The following POMGNT1 variants were observed in gnomAD, a reference collection of about 807,000 sequenced individuals.
POMGNT1 encodes the protein protein O-linked-mannose beta-1,2-N-acetylglucosaminyltransferase 1.
POMGNT1 carries 67 observed loss-of-function variants against 95.6 expected under a neutral mutation model. The ratio of observed to expected loss-of-function variants is 0.70; its 90% CI spans 0.58 to 0.86. The LOEUF is 0.86. Ranked by LOEUF, POMGNT1 falls within the 40% of genes least tolerant of loss-of-function variation. The pLI is 0.00. For missense variants in POMGNT1, 719 were observed against 855.2 expected (o/e 0.84, Z 1.99); for synonymous variants, 298 against 317.9 (o/e 0.94, Z 0.66).
At chr1:46,200,223 A>AC (rs1658496775), upstream of POMGNT1, among the ~76,000 whole-genome samples, 1 of 151,958 alleles carries the variant, frequency 6.6e-6, no homozygotes, top group South Asian at 2.1e-4. Flanking sequence ...TTCCTTCCTG[A>AC]CCCTCTTTTC....
At chr1:46,214,365 AAAAG>A (rs1211084625) in intron 1 of POMGNT1, among the ~76,000 whole-genome samples, 2 of 150,912 alleles carry the variant, frequency 1.3e-5, no homozygotes, top group African/African-American at 4.9e-5. Context: ...AAAAAAAAGG[AAAAG>A]AAAAAGCAAC....
In POMGNT1 at chr1:46,208,900, G is replaced by C. The variant is rs188966765; in HGVS notation, c.-51+10805C>G. Among the ~76,000 whole-genome samples, 374 of 152,238 alleles carry C rather than the reference G, an allele frequency of 2.5e-3. 1 individual carries two copies. Among genetic ancestry groups the C allele is most frequent in the African/African-American group, 8.7e-3 (363 of 41,550 alleles). ...AGGCATGAAGCCGTTATGACAATGA[G>C]AATAAGAGACAAGGTAATAGGAACA... is the stretch of plus-strand genomic sequence containing the variant. On this transcript the variant is annotated intron_variant, in intron 1 of 22. Coordinates refer to the POMGNT1 transcript ENST00000371992.
chr1:46,211,797 C>T (rs1385639839), intron 1 of POMGNT1, among the ~76,000 whole-genome samples: 1 of 152,112 alleles, frequency 6.6e-6, no homozygotes, highest in Non-Finnish European at 1.5e-5. Flanking sequence ...CGGAGTCTTG[C>T]TCTGTTGCCC....
Position 46,188,948 on chromosome 1 carries a change from C to CA in POMGNT1, c.*321dup. On this transcript the variant is annotated 3_prime_UTR_variant, in exon 22 of 22. Coordinates refer to ENST00000371984, the MANE Select transcript of POMGNT1 (RefSeq NM_017739.4). ...CGGCCTGTTTTCAAGGCCCTCAGGA[C>CA]AGTCAATAAATAGGTTAGATTCTGA... The CA allele has an allele frequency of 4.3e-6, 7 of 1,612,720 alleles. No homozygotes were observed. Among genetic ancestry groups the CA allele is most frequent in the Non-Finnish European group, 5.9e-6 (7 of 1,179,880 alleles).
At chr1:46,219,989 G>A (rs370931305) in exon 1 of POMGNT1, 23 of 1,614,254 alleles carry the variant, frequency 1.4e-5, no homozygotes, top group Non-Finnish European at 1.8e-5. Flanking sequence ...GCCCACCTGG[G>A]GCTCCACGTT....
At chr1:46,200,541 T>C (rs1400456093), upstream of POMGNT1, among the ~76,000 whole-genome samples, 1 of 152,240 alleles carries the variant, frequency 6.6e-6, no homozygotes, top group African/African-American at 2.4e-5. Context: ...CACCATTGTA[T>C]TCTCTACACC....
upstream of POMGNT1, among the ~76,000 whole-genome samples, chr1:46,201,496 G>A (rs1477594195): frequency 1.3e-5 from 2 of 151,952 alleles, no homozygotes; most frequent in African/African-American, 2.4e-5. Flanking sequence ...TCAAGAGTTC[G>A]AGACCAGCCT....
upstream of POMGNT1, among the ~76,000 whole-genome samples, chr1:46,199,768 C>T (rs968600682): frequency 9.2e-5 from 14 of 151,990 alleles, no homozygotes; most frequent in African/African-American, 3.4e-4. Flanking sequence ...GGGTAATATC[C>T]CCCAAAATGA....
At position 46,190,791 on chromosome 1, in the gene POMGNT1, TG is replaced by T; in HGVS notation, c.1540-8del. On this transcript the variant is annotated splice_region_variant and splice_polypyrimidine_tract_variant and intron_variant, in intron 17 of 21. Coordinates refer to ENST00000371984, the MANE Select transcript of POMGNT1 (RefSeq NM_017739.4). ...GCTTCTTGAAGTAGGCCTCCTGGAG[TG>T]GGTATGAGAGTGAAAATCAGCACCT... is the stretch of plus-strand genomic sequence containing the variant. 1 of 1,609,890 alleles carries T rather than the reference TG, an allele frequency of 6.2e-7. No individual in the cohort carries two copies. The highest frequency in any genetic ancestry group is 1.3e-5 in the African/African-American group (1 of 74,896).
At position 46,196,081 on chromosome 1, in the gene POMGNT1, C is replaced by T; in HGVS notation, c.355-4G>A. 6.2e-7 allele frequency: 1 copy of T among 1,614,004 alleles called. No individual in the cohort carries two copies. Among genetic ancestry groups the T allele is most frequent in the Non-Finnish European group, 8.5e-7 (1 of 1,180,018 alleles). Reference sequence around the variant, plus strand: ...CCCGGGCCTCATCCTCCAGCACCTACACAGTGGCAGAGACAAAGTCCAGCT... The same window carrying T: ...CCCGGGCCTCATCCTCCAGCACCTATACAGTGGCAGAGACAAAGTCCAGCT... On this transcript the variant is annotated splice_polypyrimidine_tract_variant and splice_region_variant and intron_variant, in intron 4 of 21. Transcript: ENST00000371984. The surrounding 1 kb of genome is among the most constrained non-coding windows in gnomAD (Gnocchi z 4.4).
At chr1:46,190,170 A>G in intron 19 of POMGNT1, 181 bp from the exon 20 acceptor site, 2 of 758,420 alleles carry the variant, frequency 2.6e-6, no homozygotes, top group Non-Finnish European at 4.0e-6. Context: ...TCAGCCTCCC[A>G]AGTAGCTGGG....
At position 46,195,789 on chromosome 1, in the gene POMGNT1, G is replaced by T; in HGVS notation, c.534+22C>A. The stretch of plus-strand genomic sequence containing the variant: ...GGTTGGAGCTAGGGAGTAGGGGTCA[G>T]GGTCAGGACAGAATAACTGACCTTG... On this transcript the variant is annotated intron_variant, in intron 6 of 21. Transcript: ENST00000371984. The T allele has an allele frequency of 1.9e-6, 3 of 1,562,510 alleles. No homozygotes were observed. In the South Asian group the frequency reaches 3.5e-5, roughly 18 times the overall value.
In POMGNT1 at chr1:46,198,042, T is replaced by C. The variant is rs918279798; in HGVS notation, c.-50-171A>G. On this transcript the variant is annotated intron_variant, in intron 1 of 21. Coordinates refer to ENST00000371984, the MANE Select transcript of POMGNT1 (RefSeq NM_017739.4). ...GCTGGCAGGAAACCCTTCAGTGGGG[T>C]TGGATCACCTGGAAATTCCCTGAGA... 4.0e-5 allele frequency: 25 copies of C among 618,192 alleles called. No individual in the cohort carries two copies. The East Asian group carries it at 5.1e-4, about 13-fold the overall frequency. 38.3% of individuals were successfully genotyped at this position (618,192 alleles called of 1,614,324 possible). A position where few individuals can be genotyped will look rare whatever the true frequency, so the allele number is the denominator to read the frequency against.
At chr1:46,193,279 C>T (rs1657937227) in intron 12 of POMGNT1, 26 bp downstream of exon 12, 6 of 1,613,680 alleles carry the variant, frequency 3.7e-6, no homozygotes, top group Non-Finnish European at 5.1e-6. Context: ...AGGTGTCTGC[C>T]CCATCCCCAC....
At chr1:46,202,662 G>A, upstream of POMGNT1, among the ~76,000 whole-genome samples, 1 of 118,538 alleles carries the variant, frequency 8.4e-6, no homozygotes, top group Middle Eastern at 7.9e-3. Context: ...GCGCCACCAC[G>A]CTACATCCTG....
At chr1:46,218,808 T>G (rs1373761431) in intron 1 of POMGNT1, among the ~76,000 whole-genome samples, 1 of 151,526 alleles carries the variant, frequency 6.6e-6, no homozygotes, top group East Asian at 1.9e-4. Context: ...GGGATTCTGA[T>G]CCTTCTAAGC....
intron 6 of POMGNT1, 108 bp from the exon 7 acceptor site, chr1:46,195,069 T>C: frequency 1.1e-6 from 1 of 947,366 alleles, no homozygotes; most frequent in Non-Finnish European, 1.7e-6. Context: ...GCTCATTACA[T>C]TATTGCAATA....
chr1:46,190,227 G>C (rs935991005), intron 19 of POMGNT1: 20 of 640,388 alleles, frequency 3.1e-5, no homozygotes, highest in Non-Finnish European at 2.6e-6. Flanking sequence ...TGTATTTTTA[G>C]TAGAGACAGG....
At position 46,189,935 on chromosome 1, in the gene POMGNT1, T is replaced by C. The variant is rs1453156577; in HGVS notation, c.1704A>G (p.Pro568=). ...CCACGTAGGTGTGGCCCTCTGTGTCTGGCAGGAAAGAGTCTTCACAAGGGT... is the reference window on the plus strand; with the variant it reads ...CCACGTAGGTGTGGCCCTCTGTGTCCGGCAGGAAAGAGTCTTCACAAGGGT... ...SKNPCEDSFL[P]DTEGHTYVAF... Residue 568 remains proline, a synonymous_variant, in exon 20 of 22, where the codon CCA becomes CCG. Coordinates refer to ENST00000371984, the MANE Select transcript of POMGNT1 (RefSeq NM_017739.4). 9 of 1,614,054 alleles carry C rather than the reference T, an allele frequency of 5.6e-6. No individual in the cohort carries two copies. The highest frequency in any genetic ancestry group is 2.2e-5 in the East Asian group (1 of 44,878).
Sources: allele counts gnomAD v4.1 joint callset (sites outside exome capture counted in the v4.1 genomes callset), GRCh38; gene constraint gnomAD v4.1.1; non-coding constraint Gnocchi (gnomAD v3.1); transcripts MANE v1.5; gene names NCBI Gene and HGNC (gene_info 2026-07-23, HGNC 2026-07-21).